RBMS3: variants seen among roughly 807,000 people sequenced by gnomAD.
RBMS3 encodes RNA binding motif single stranded interacting protein 3.
Under a neutral mutation model 66.8 loss-of-function variants are expected in RBMS3, and 27 were observed. The observed-to-expected ratio is 0.40, with a 90% confidence interval of 0.30 to 0.56. RBMS3 has a LOEUF of 0.56. Among genes scored for constraint, RBMS3 ranks in the 20% least tolerant of loss-of-function variants. The pLI, the probability that RBMS3 is intolerant of heterozygous loss-of-function variation, is 0.40. For missense variants in RBMS3, 513 were observed against 549.5 expected, an observed-to-expected ratio of 0.93 and a Z score of 0.66; for synonymous variants, 188 against 183.0, an observed-to-expected ratio of 1.03 and a Z score of -0.22.
chr3:29,999,263 A>G (rs973164075), intron 14 of RBMS3, among the ~76,000 whole-genome samples: 4 of 152,220 alleles, frequency 2.6e-5, no homozygotes, highest in Non-Finnish European at 5.9e-5. Context: ...TCAGGAAACA[A>G]CAGGTGCTGG....
At chr3:29,576,879 T>C (rs1488583782) in intron 3 of RBMS3, among the ~76,000 whole-genome samples, 1 of 152,156 alleles carries the variant, frequency 6.6e-6, no homozygotes, top group East Asian at 1.9e-4. Flanking sequence ...TTCTGAGAAA[T>C]TGGATCTCCT....
At chr3:29,394,579 A>T (rs754445548) in intron 1 of RBMS3, among the ~76,000 whole-genome samples, 9 of 152,206 alleles carry the variant, frequency 5.9e-5, no homozygotes, top group Non-Finnish European at 1.3e-4. Flanking sequence ...TGCAGTAAAG[A>T]CAGGTGTAAG....
At chr3:29,988,323 T>A in intron 13 of RBMS3, 100 bp downstream of exon 13, 1 of 910,478 alleles carries the variant, frequency 1.1e-6, no homozygotes, top group Non-Finnish European at 1.7e-6. Flanking sequence ...TTGCAATTTT[T>A]GTGCTACTCT....
At chr3:29,591,579 C>T (rs948748587) in intron 4 of RBMS3, among the ~76,000 whole-genome samples, 1 of 152,126 alleles carries the variant, frequency 6.6e-6, no homozygotes, top group African/African-American at 2.4e-5. Flanking sequence ...CTTACTTGCC[C>T]CTTATTCTCT....
chr3:29,587,163 A>G lies in RBMS3; in HGVS notation c.357A>G (p.Val119=), dbSNP rs968055082. The change falls in exon 4 of 15, where the codon GTA becomes GTG. Residue 119 remains valine (V), a synonymous_variant. Coordinates refer to ENST00000383767, the MANE Select transcript of RBMS3 (RefSeq NM_001003793.3). ...FDSPAAAQKA[V]ASLKANGVQA... is the part of the protein sequence containing the mutation. ...GTCCTGCAGCCGCACAGAAAGCGGT[A>G]GCATCTCTCAAGGCAAATGGCGTGC... The G allele has an allele frequency of 1.9e-6, 3 of 1,598,476 alleles. No homozygotes were observed. The highest frequency in any genetic ancestry group is 2.6e-6 in the Non-Finnish European group (3 of 1,172,538).
rs529560765 is a variant in RBMS3 at position 29,305,549 on chromosome 3, C to T, written c.75+23793C>T. Among the ~76,000 whole-genome samples, 71 of 152,038 alleles carry T rather than the reference C, an allele frequency of 4.7e-4. 1 individual carries two copies. In the South Asian group the frequency reaches 0.014, roughly 31 times the overall value. On this transcript the variant is annotated intron_variant, in intron 1 of 14. Transcript: ENST00000383767. Reference sequence around the variant, plus strand: ...TATGCCAGGGTAGTAATCCCTTTGTCTCTGACAACAAAAATGGATCTACCC... The same window carrying T: ...TATGCCAGGGTAGTAATCCCTTTGTTTCTGACAACAAAAATGGATCTACCC...
At chr3:29,350,668 T>C (rs2036856018) in intron 1 of RBMS3, among the ~76,000 whole-genome samples, 2 of 152,128 alleles carry the variant, frequency 1.3e-5, no homozygotes, top group Admixed American at 6.6e-5. Flanking sequence ...TTAATCAGCA[T>C]CGCGAATATG....
At chr3:29,798,728 G>A (rs1457812599) in intron 6 of RBMS3, among the ~76,000 whole-genome samples, 3 of 152,142 alleles carry the variant, frequency 2.0e-5, no homozygotes, top group African/African-American at 7.2e-5. Context: ...AAACTAAGCT[G>A]ACCAGATGAC....
At chr3:29,335,164 T>A (rs563664477) in intron 1 of RBMS3, among the ~76,000 whole-genome samples, 4 of 152,276 alleles carry the variant, frequency 2.6e-5, no homozygotes, top group Admixed American at 2.6e-4. Flanking sequence ...CTGTCAGTGT[T>A]GTAGATGTTT....
At chr3:29,804,147 C>CA (rs1291172984) in intron 6 of RBMS3, among the ~76,000 whole-genome samples, 2 of 151,836 alleles carry the variant, frequency 1.3e-5, no homozygotes, top group African/African-American at 2.4e-5. Flanking sequence ...CTGCTGCTCT[C>CA]AAAAAAATGT....
At chr3:29,758,128 A>G (rs2055506630) in intron 5 of RBMS3, among the ~76,000 whole-genome samples, 1 of 152,178 alleles carries the variant, frequency 6.6e-6, no homozygotes, top group Non-Finnish European at 1.5e-5. Flanking sequence ...ATATCAGGTT[A>G]TATTCCATTT....
chr3:29,829,205 C>T (rs1025938579), intron 6 of RBMS3, among the ~76,000 whole-genome samples: 6 of 151,922 alleles, frequency 3.9e-5, no homozygotes, highest in Non-Finnish European at 7.4e-5. Context: ...CCACCATGCC[C>T]AGCTAATTTT....
chr3:29,556,277 C>G (rs1463669464), intron 3 of RBMS3: 1 of 152,162 alleles, frequency 6.6e-6, no homozygotes, highest in Non-Finnish European at 1.5e-5. Flanking sequence ...CTTCCCATGT[C>G]TCTGGAGGAG....
chr3:29,950,192 G>A (rs1023442412), intron 12 of RBMS3, among the ~76,000 whole-genome samples: 1 of 151,756 alleles, frequency 6.6e-6, no homozygotes, highest in African/African-American at 2.4e-5. Context: ...TACCCTCTGT[G>A]GCAAGGACAG....
intron 5 of RBMS3, among the ~76,000 whole-genome samples, chr3:29,750,036 G>T (rs896600749): frequency 6.6e-6 from 1 of 152,014 alleles, no homozygotes; most frequent in Admixed American, 6.6e-5. Flanking sequence ...TAGCTGAAAA[G>T]AAAATAAGAC....
intron 4 of RBMS3, among the ~76,000 whole-genome samples, chr3:29,683,837 C>T (rs879774878): frequency 5.3e-5 from 8 of 152,194 alleles, no homozygotes; most frequent in Non-Finnish European, 8.8e-5. Context: ...GCAGCTGACA[C>T]TTGGGCATTA....
intron 4 of RBMS3, among the ~76,000 whole-genome samples, chr3:29,701,359 GCTCA>G (rs768047879): frequency 4.0e-4 from 61 of 152,314 alleles, no homozygotes; most frequent in South Asian, 4.1e-4. Context: ...GAATGTAAGA[GCTCA>G]CTCACTGCAG....
rs1005220730 is a variant in RBMS3, at chr3:29,982,005, G to C, written c.1099-6138G>C. On this transcript the variant is annotated intron_variant, in intron 12 of 14. Transcript: ENST00000383767. ...AATAGTTTCAGAAGGAATGGTACCA[G>C]CTCCTCTTTGTACCTCTGGTAGAAT... Among the ~76,000 whole-genome samples the C allele has an allele frequency of 9.8e-5, 15 of 152,288 alleles. 1 individual carries two copies. Among genetic ancestry groups the C allele is most frequent in the Non-Finnish European group, 1.8e-4 (12 of 68,030 alleles).
intron 3 of RBMS3, among the ~76,000 whole-genome samples, chr3:29,495,417 C>CTTTTTTTT (rs775377508): frequency 8.9e-5 from 10 of 111,884 alleles, no homozygotes; most frequent in African/African-American, 1.3e-4. Flanking sequence ...ATATTTCTTT[C>CTTTTTTTT]TTTTTTTTTT....
Sources: gnomAD v4.1 joint callset for allele counts (sites outside exome capture counted in the v4.1 genomes callset) on GRCh38, gnomAD v4.1.1 for gene constraint, MANE v1.5 for transcripts, NCBI Gene and HGNC (gene_info 2026-07-23, HGNC 2026-07-21) for gene names.